ATAD3B: variants seen among roughly 807,000 people sequenced by gnomAD.
ATAD3B encodes the protein ATPase family AAA domain containing 3B, also known as ATPase family AAA domain-containing protein 3B.
In ATAD3B, 59 loss-of-function variants were observed where a neutral mutation model predicts 70.2. The ratio of observed to expected loss-of-function variants is 0.84; its 90% confidence interval spans 0.68 to 1.04. The LOEUF is 1.04. Ranked by LOEUF, ATAD3B falls within the 50% of genes least tolerant of loss-of-function variation. ATAD3B has a pLI of 0.00. For missense variants in ATAD3B, 961 were observed against 913.4 expected, an observed-to-expected ratio of 1.05 and a Z score of -0.67; for synonymous variants, 423 against 388.6, an observed-to-expected ratio of 1.09 and a Z score of -1.04.
In ATAD3B at chr1:1,495,646, C is replaced by G. The variant is rs562182330; in HGVS notation, c.1776C>G (p.Thr592=). The G allele has an allele frequency of 6.2e-7, 1 of 1,612,890 alleles. No individual in the cohort carries two copies. The highest frequency in any genetic ancestry group is 8.5e-7 in the Non-Finnish European group (1 of 1,179,348). ...EHPLSGVQGE[T]LTSWSLATDP... ...CCCTATCCGGAGTCCAAGGCGAGAC[C>G]CTCACCTCATGGAGCCTGGCCACGG... Residue 592 remains threonine (T), a synonymous_variant, in exon 16 of 16, where the codon ACC becomes ACG. Coordinates refer to ENST00000673477, the MANE Select transcript of ATAD3B (RefSeq NM_031921.6).
chr1:1,480,183 A>ACCCCCCCCCCCCCCCCCCCCCCCCCCCC (rs1234571881), intron 4 of ATAD3B, among the ~76,000 whole-genome samples: 1 of 97,178 alleles, frequency 1.0e-5, no homozygotes, highest in African/African-American at 4.5e-5. Context: ...ACGAGGGCAC[A>ACCCCCCCCCCCCCCCCCCCCCCCCCCCC]CCCCCACCCC....
At chr1:1,480,349 G>A (rs1003671712) in intron 4 of ATAD3B, among the ~76,000 whole-genome samples, 5 of 146,220 alleles carry the variant, frequency 3.4e-5, no homozygotes, top group South Asian at 2.2e-4. Flanking sequence ...TCTCCCACCC[G>A]GGCGCCCAGC....
chr1:1,486,026 G>C lies in ATAD3B; in HGVS notation c.964-84G>C, dbSNP rs568244447. The C allele has an allele frequency of 1.9e-6, 3 of 1,603,712 alleles. No individual in the cohort carries two copies. The African/African-American group carries it at 4.0e-5, about 21-fold the overall frequency. ...GGCGGCTTCCTGAGGAGCAGAGTCC[G>C]CACCCGGGCATTCCCGCAGCCCCTG... On this transcript the variant is annotated intron_variant, in intron 9 of 15. Coordinates refer to ENST00000673477, the MANE Select transcript of ATAD3B (RefSeq NM_031921.6).
downstream of ATAD3B, among the ~76,000 whole-genome samples, chr1:1,502,507 A>C (rs79058850): frequency 0.23 from 19,128 of 82,616 alleles, 4,727 homozygotes; most frequent in African/African-American, 0.52. Flanking sequence ...CGTGCCCAGC[A>C]TTTTTTTTTT....
intron 1 of ATAD3B, among the ~76,000 whole-genome samples, chr1:1,475,909 A>T (rs1469078884): frequency 6.7e-6 from 1 of 150,156 alleles, no homozygotes; most frequent in Non-Finnish European, 1.5e-5. Context: ...AGCTTAATCC[A>T]GCCAAAGGTC....
downstream of ATAD3B, among the ~76,000 whole-genome samples, chr1:1,500,465 T>C (rs1223621771): frequency 3.4e-5 from 5 of 145,780 alleles, 1 homozygote; most frequent in African/African-American, 1.3e-4. Flanking sequence ...GGCAGGAGAA[T>C]GGCGTGAACC....
intron 7 of ATAD3B, 129 bp downstream of exon 7, chr1:1,482,743 A>C: frequency 5.5e-6 from 8 of 1,441,998 alleles, no homozygotes; most frequent in African/African-American, 1.4e-5. Context: ...GAGCAAACCC[A>C]CGTTGTACCT....
the ATAD3B span, among the ~76,000 whole-genome samples, chr1:1,503,929 T>A: frequency 7.9e-5 from 12 of 152,140 alleles, no homozygotes; most frequent in African/African-American, 2.7e-4. Context: ...TCTCACCTCA[T>A]TTCTTTTCAC....
Position 1,490,407 on chromosome 1 carries a change from G to A in ATAD3B, c.1488G>A (p.Pro496=), listed in dbSNP as rs769979375. 1.1e-5 allele frequency: 18 copies of A among 1,613,410 alleles called. No individual in the cohort carries two copies. The highest frequency in any genetic ancestry group is 4.0e-5 in the African/African-American group (3 of 75,048). Residue 496 remains proline (P), a synonymous_variant, in exon 14 of 16, where the codon CCG becomes CCA. Coordinates refer to ENST00000673477, the MANE Select transcript of ATAD3B (RefSeq NM_031921.6). ...RLHFDNCVLK[P]ATEGKRRLKL... ...ATTTTGACAACTGTGTTCTTAAGCC[G>A]GCCACAGAAGGAAAACGGTGAGTGT...
At chr1:1,489,693 C>T (rs1640425778) in intron 13 of ATAD3B, 3 of 1,316,218 alleles carry the variant, frequency 2.3e-6, no homozygotes, top group South Asian at 1.2e-5. Flanking sequence ...CCCCTCCAGC[C>T]CCAGTCACGT....
At chr1:1,475,505 C>A (rs982245912) in intron 1 of ATAD3B, among the ~76,000 whole-genome samples, 1 of 151,950 alleles carries the variant, frequency 6.6e-6, no homozygotes, top group Non-Finnish European at 1.5e-5. Context: ...TCCAGGCAAA[C>A]GGGCGGCTCC....
chr1:1,488,644 A>T (rs1640365846), intron 12 of ATAD3B, among the ~76,000 whole-genome samples: 1 of 151,988 alleles, frequency 6.6e-6, no homozygotes, highest in Non-Finnish European at 1.5e-5. Context: ...ATGTAATCCC[A>T]GCTGCTCAGG....
rs1264280274 is a variant in ATAD3B at position 1,495,791 on chromosome 1, TG to T, written c.1922del (p.Cys641SerfsTer79). ...GTCTTGTGGTGGCGGTCGGCCGTTCTGCCCCCCAGGGCACCCCCTGTTGTAG... is the reference window on the plus strand; with the variant it reads ...GTCTTGTGGTGGCGGTCGGCCGTTCTCCCCCCAGGGCACCCCCTGTTGTAG... ...RMSCGGGRPF[C>X]PPGHPLL On this transcript the variant is annotated frameshift_variant, in exon 16 of 16. Coordinates refer to ENST00000673477, the MANE Select transcript of ATAD3B (RefSeq NM_031921.6). LOFTEE classifies it low-confidence loss of function (END_TRUNC). The T allele has an allele frequency of 1.3e-6, 2 of 1,595,672 alleles. No individual in the cohort carries two copies. The highest frequency in any genetic ancestry group is 4.5e-5 in the East Asian group (2 of 44,766).
At chr1:1,505,399 G>A in the ATAD3B span, among the ~76,000 whole-genome samples, 643 of 152,360 alleles carry the variant, frequency 4.2e-3, 1 homozygote, top group Admixed American at 6.6e-3. Context: ...CGGACTAGGA[G>A]TGTGACCGCT....
intron 13 of ATAD3B, chr1:1,489,925 G>A (rs936251274): frequency 2.8e-5 from 34 of 1,232,058 alleles, no homozygotes; most frequent in South Asian, 2.2e-4. Flanking sequence ...TCTGGGTCCC[G>A]CATCCCTGCT....
At chr1:1,486,336 A>G in intron 10 of ATAD3B, 101 bp downstream of exon 10, 1 of 1,600,516 alleles carries the variant, frequency 6.2e-7, no homozygotes, top group Non-Finnish European at 8.5e-7. Context: ...GACCCCCCTT[A>G]GGCCTTTGCC....
At chr1:1,473,729 C>T (rs1042900066) in intron 1 of ATAD3B, among the ~76,000 whole-genome samples, 1 of 151,980 alleles carries the variant, frequency 6.6e-6, no homozygotes. Context: ...CACCTGACCC[C>T]GTGATCCACC....
At chr1:1,483,105 A>G in intron 7 of ATAD3B, 1 of 452,012 alleles carries the variant, frequency 2.2e-6, no homozygotes, top group South Asian at 1.6e-5. Flanking sequence ...TCATCCTGGT[A>G]AGAGTGAAAC....
chr1:1,506,539 G>A, the ATAD3B span, among the ~76,000 whole-genome samples: 4 of 152,008 alleles, frequency 2.6e-5, no homozygotes, highest in Non-Finnish European at 5.9e-5. Context: ...GGGATTACCG[G>A]CGTGGGCCAC....
Sources: allele counts gnomAD v4.1 joint callset (sites outside exome capture counted in the v4.1 genomes callset), GRCh38; gene constraint gnomAD v4.1.1; transcripts MANE v1.5; gene names NCBI Gene and HGNC (gene_info 2026-07-23, HGNC 2026-07-21).